The following CADPS2 variants were observed in gnomAD, a reference collection of about 807,000 sequenced individuals.
The protein encoded by CADPS2 is calcium-dependent secretion activator 2.
A neutral mutation model predicts 172.5 loss-of-function variants in CADPS2; 93 were observed. The ratio of observed to expected loss-of-function variants is 0.54; its 90% confidence interval spans 0.46 to 0.64. The LOEUF is 0.64. Among genes scored for constraint, CADPS2 ranks in the 30% least tolerant of loss-of-function variants. CADPS2 has a pLI of 0.00. For synonymous variants in CADPS2, 546 were observed against 555.2 expected (o/e 0.98, Z 0.23); for missense variants, 1,420 against 1,565.9 (o/e 0.91, Z 1.57).
In CADPS2 at chr7:122,407,716, T is replaced by C. The variant is rs1159126306; in HGVS notation, c.2590-20A>G. The C allele has an allele frequency of 6.3e-7, 1 of 1,590,190 alleles. No individual in the cohort carries two copies. ...AAATGCCTACAAAAGGATAAAAACA[T>C]AAAGGAGAAAAGTAGATTACTTTTT... On this transcript the variant is annotated intron_variant, in intron 19 of 29. Coordinates refer to ENST00000449022, the MANE Select transcript of CADPS2 (RefSeq NM_017954.11).
chr7:122,682,734 G>A (rs980582488), intron 2 of CADPS2, among the ~76,000 whole-genome samples: 2 of 152,296 alleles, frequency 1.3e-5, no homozygotes, highest in East Asian at 3.9e-4. Flanking sequence ...GAGAGGGCAT[G>A]AGGAGACCCG....
chr7:122,851,070 A>G (rs1263070766), intron 1 of CADPS2, among the ~76,000 whole-genome samples: 1 of 152,204 alleles, frequency 6.6e-6, no homozygotes, highest in African/African-American at 2.4e-5. Flanking sequence ...AATGAGTTAT[A>G]ATTACTAATA....
Position 122,480,770 on chromosome 7 carries a change from A to G in CADPS2, c.1861+82T>C, listed in dbSNP as rs2057193624. 6 of 966,996 alleles carry G rather than the reference A, an allele frequency of 6.2e-6. No individual in the cohort carries two copies. The Admixed American group carries it at 1.3e-4, about 20-fold the overall frequency. The allele number at this position is 966,996 out of a possible 1,614,324, so 59.9% of individuals were successfully genotyped here. A position where few individuals can be genotyped will look rare whatever the true frequency, so the allele number is the denominator to read the frequency against. ...AGAAAGTAGGGGATTGATCCTGTAA[A>G]CAAGATCATGATATTCCTCAAACAT... On this transcript the variant is annotated intron_variant, in intron 12 of 29. Transcript: ENST00000449022.
intron 1 of CADPS2, among the ~76,000 whole-genome samples, chr7:122,831,319 A>T (rs755358573): frequency 6.6e-6 from 1 of 152,312 alleles, no homozygotes; most frequent in East Asian, 1.9e-4. Flanking sequence ...TGGTGCTGTC[A>T]TTTGGGTGTT....
At chr7:122,323,484 G>C (rs576286133) in intron 29 of CADPS2, among the ~76,000 whole-genome samples, 5 of 151,964 alleles carry the variant, frequency 3.3e-5, no homozygotes, top group African/African-American at 9.6e-5. Context: ...TACTCTCTTA[G>C]CAAATTTCAA....
At chr7:122,468,303 A>G (rs946705565) in intron 14 of CADPS2, among the ~76,000 whole-genome samples, 3 of 152,208 alleles carry the variant, frequency 2.0e-5, no homozygotes, top group Admixed American at 6.5e-5. Context: ...ATGTAGAAAA[A>G]CCAGACTTGA....
intron 25 of CADPS2, among the ~76,000 whole-genome samples, chr7:122,369,291 C>T (rs747155734): frequency 5.3e-5 from 8 of 151,866 alleles, no homozygotes; most frequent in Non-Finnish European, 1.0e-4. Flanking sequence ...CCACCATGCC[C>T]GGCTAATTTT....
At chr7:122,495,120 A>T (rs2058632357) in intron 9 of CADPS2, among the ~76,000 whole-genome samples, 1 of 152,190 alleles carries the variant, frequency 6.6e-6, no homozygotes. Flanking sequence ...ACACAGCATT[A>T]TCTTAAAATA....
intron 6 of CADPS2, among the ~76,000 whole-genome samples, chr7:122,594,777 T>G (rs1212215482): frequency 6.6e-6 from 1 of 151,698 alleles, no homozygotes; most frequent in African/African-American, 2.4e-5. Context: ...ACATCTTGGC[T>G]TACAATTTTA....
intron 9 of CADPS2, among the ~76,000 whole-genome samples, chr7:122,505,833 C>T (rs1345656629): frequency 6.6e-6 from 1 of 151,870 alleles, no homozygotes. Context: ...CTTTTAGTTC[C>T]TTTAATATCC....
intron 17 of CADPS2, among the ~76,000 whole-genome samples, chr7:122,420,382 T>C (rs2048403910): frequency 6.6e-6 from 1 of 152,230 alleles, no homozygotes; most frequent in Non-Finnish European, 1.5e-5. Context: ...AAACATTTAT[T>C]CTTTCTAGAT....
intron 14 of CADPS2, among the ~76,000 whole-genome samples, chr7:122,466,761 A>G (rs1294226813): frequency 3.3e-5 from 5 of 152,204 alleles, no homozygotes; most frequent in African/African-American, 1.2e-4. Context: ...TAATGTTATT[A>G]CTCACAAGGT....
chr7:122,368,069 G>A (rs375750162), intron 25 of CADPS2: 1 of 152,256 alleles, frequency 6.6e-6, no homozygotes, highest in African/African-American at 2.4e-5. Flanking sequence ...TTATCTCACA[G>A]GGTTTTGCCA....
At chr7:122,513,215 T>G in intron 9 of CADPS2, 34 bp downstream of exon 9, 1 of 1,440,702 alleles carries the variant, frequency 6.9e-7, no homozygotes, top group Non-Finnish European at 9.6e-7. Context: ...ACTGCTATCT[T>G]AGAGTGATTA....
chr7:122,703,657 T>C (rs1309528838), intron 2 of CADPS2, among the ~76,000 whole-genome samples: 4 of 152,128 alleles, frequency 2.6e-5, no homozygotes, highest in African/African-American at 4.8e-5. Context: ...AGAAACACAC[T>C]GTAGGGTTCT....
At chr7:122,483,314 T>C (rs935036640) in intron 11 of CADPS2, among the ~76,000 whole-genome samples, 5 of 152,230 alleles carry the variant, frequency 3.3e-5, no homozygotes, top group Non-Finnish European at 4.4e-5. Flanking sequence ...CATTTCTCAT[T>C]GGAAAAACAA....
intron 2 of CADPS2, chr7:122,702,441 G>C (rs761770043): frequency 6.2e-7 from 1 of 1,613,736 alleles, no homozygotes. Context: ...CGTTCGATGA[G>C]GGCCAGCCAT....
chr7:122,838,060 A>G (rs535282082), intron 1 of CADPS2, among the ~76,000 whole-genome samples: 1 of 152,356 alleles, frequency 6.6e-6, no homozygotes, highest in East Asian at 1.9e-4. Context: ...ATCCAGCAGC[A>G]CATCAAAAAG....
intron 2 of CADPS2, among the ~76,000 whole-genome samples, chr7:122,720,076 T>C (rs970110599): frequency 1.3e-5 from 2 of 152,092 alleles, no homozygotes; most frequent in Non-Finnish European, 2.9e-5. Context: ...CACTGGACTA[T>C]TTCAATACCA....
Sources: allele counts gnomAD v4.1 joint callset (sites outside exome capture counted in the v4.1 genomes callset), GRCh38; gene constraint gnomAD v4.1.1; transcripts MANE v1.5; gene names NCBI Gene and HGNC (gene_info 2026-07-23, HGNC 2026-07-21).